The following IQSEC1 variants were observed in gnomAD, a reference collection of about 807,000 sequenced individuals.
IQSEC1 encodes the protein IQ motif and Sec7 domain ArfGEF 1.
A neutral mutation model predicts 91.0 loss-of-function variants in IQSEC1; 31 were observed. That is an observed-to-expected ratio of 0.34 (90% CI 0.26 to 0.46). The LOEUF (loss-of-function observed/expected upper bound fraction) is 0.46. IQSEC1 is among the 20% of genes least tolerant of loss of function. IQSEC1 has a pLI of 1.00. For missense variants in IQSEC1, 1,388 were observed against 1,575.6 expected, an observed-to-expected ratio of 0.88 and a Z score of 2.02; for synonymous variants, 699 against 662.6, an observed-to-expected ratio of 1.05 and a Z score of -0.84.
intron 2 of IQSEC1, among the ~76,000 whole-genome samples, chr3:13,161,775 G>A (rs1436208547): frequency 6.6e-6 from 1 of 152,216 alleles, no homozygotes; most frequent in Non-Finnish European, 1.5e-5. Context: ...AGCCTTCCCT[G>A]CTGGAACTTC....
chr3:12,902,319 G>C (rs1694404296), intron 13 of IQSEC1, among the ~76,000 whole-genome samples: 1 of 152,226 alleles, frequency 6.6e-6, no homozygotes, highest in South Asian at 2.1e-4. Flanking sequence ...CAAGAAGAAA[G>C]CGATGAGGAT....
intron 1 of IQSEC1, among the ~76,000 whole-genome samples, chr3:13,032,628 G>A (rs1703886859): frequency 6.7e-6 from 1 of 150,320 alleles, no homozygotes; most frequent in South Asian, 2.1e-4. Flanking sequence ...CTGTCGCCCA[G>A]GCTGGAGTGC....
rs757181262 is a variant in IQSEC1 at position 12,899,439 on chromosome 3, A to G, written c.*1544T>C. On this transcript the variant is annotated 3_prime_UTR_variant, in exon 14 of 14. Transcript: ENST00000613206. ...CAGTGGCTCGAAAGGCTGAAACTAC[A>G]AAGTATGGCCCGTGGGTGACTCGGG... 7.5e-6 allele frequency: 12 copies of G among 1,609,958 alleles called. No individual in the cohort carries two copies. The highest frequency in any genetic ancestry group is 1.0e-5 in the Non-Finnish European group (12 of 1,178,754).
chr3:13,023,724 A>G (rs1158287768), intron 1 of IQSEC1, among the ~76,000 whole-genome samples: 2 of 152,212 alleles, frequency 1.3e-5, no homozygotes, highest in Non-Finnish European at 2.9e-5. Context: ...CCATCCCCTG[A>G]GCCAGGAAAG....
chr3:13,084,496 T>C (rs1235648230), intron 2 of IQSEC1, among the ~76,000 whole-genome samples: 1 of 151,986 alleles, frequency 6.6e-6, no homozygotes, highest in African/African-American at 2.4e-5. Context: ...AAGACAGATA[T>C]AAAAATCTGC....
At chr3:13,194,912 A>G (rs1360378339) in intron 1 of IQSEC1, among the ~76,000 whole-genome samples, 1 of 152,186 alleles carries the variant, frequency 6.6e-6, no homozygotes, top group African/African-American at 2.4e-5. Flanking sequence ...AATACATAGG[A>G]AAAAAACCCA....
chr3:12,966,521 A>C (rs1264449892), intron 1 of IQSEC1, among the ~76,000 whole-genome samples: 7 of 152,066 alleles, frequency 4.6e-5, no homozygotes, highest in Admixed American at 2.0e-4. Flanking sequence ...GGAAATCAAT[A>C]TTCCCAGCAC....
intron 2 of IQSEC1, among the ~76,000 whole-genome samples, chr3:13,106,054 T>C (rs1341727421): frequency 6.6e-6 from 1 of 152,100 alleles, no homozygotes; most frequent in Non-Finnish European, 1.5e-5. Context: ...GAGCCACCAA[T>C]AGAGGGAGCC....
At chr3:13,017,238 T>C (rs751688032) in intron 1 of IQSEC1, among the ~76,000 whole-genome samples, 2 of 152,264 alleles carry the variant, frequency 1.3e-5, no homozygotes, top group Non-Finnish European at 2.9e-5. Context: ...GATCTTTGCC[T>C]GAAGGCATCT....
rs1702737853 is a variant in IQSEC1 at position 13,008,609 on chromosome 3, G to C, written c.23+64383C>G. On this transcript the variant is annotated intron_variant, in intron 1 of 13. Transcript: ENST00000613206. The surrounding 1 kb of genome is among the most constrained non-coding windows in gnomAD (Gnocchi z 4.1). ...TTTTCCTGACTGTGATGTTGGAAATGCTCGTTTGTGTGTTTGTTTACTTGT... is the reference window on the plus strand; with the variant it reads ...TTTTCCTGACTGTGATGTTGGAAATCCTCGTTTGTGTGTTTGTTTACTTGT... Among the ~76,000 whole-genome samples the C allele has an allele frequency of 6.6e-6, 1 of 152,194 alleles. No homozygotes were observed. The highest frequency in any genetic ancestry group is 1.9e-4 in the East Asian group (1 of 5,196).
At position 12,922,706 on chromosome 3, in the gene IQSEC1, G is replaced by A. The variant is rs1409300273; in HGVS notation, c.1731-464C>T. ...ATAAGCCTGTTCTCTTGTGGGGAGAGTATCGGGGTGGTGGGCTGGGTTTTG... is the reference window on the plus strand; with the variant it reads ...ATAAGCCTGTTCTCTTGTGGGGAGAATATCGGGGTGGTGGGCTGGGTTTTG... On this transcript the variant is annotated intron_variant, in intron 4 of 13. Transcript: ENST00000613206. The surrounding 1 kb of genome is among the most constrained non-coding windows in gnomAD (Gnocchi z 5.1). Among the ~76,000 whole-genome samples, 1 of 152,182 alleles carries A rather than the reference G, an allele frequency of 6.6e-6. No homozygotes were observed. The highest frequency in any genetic ancestry group is 2.4e-5 in the African/African-American group (1 of 41,446).
At chr3:13,027,719 G>A (rs556434615) in intron 1 of IQSEC1, among the ~76,000 whole-genome samples, 74 of 152,304 alleles carry the variant, frequency 4.9e-4, no homozygotes, top group African/African-American at 1.6e-3. Context: ...TGGCCAGTGG[G>A]AGCAGGTTTG....
chr3:12,978,452 A>C (rs1237033819), intron 1 of IQSEC1, among the ~76,000 whole-genome samples: 1 of 152,282 alleles, frequency 6.6e-6, no homozygotes, highest in East Asian at 1.9e-4. Context: ...TAATCCCAGC[A>C]CTTTGGGAGA....
chr3:13,088,549 C>T (rs1705780303), intron 2 of IQSEC1, among the ~76,000 whole-genome samples: 1 of 152,086 alleles, frequency 6.6e-6, no homozygotes. Flanking sequence ...AGTACCCTCC[C>T]TACCCTCCTT....
Position 12,967,255 on chromosome 3 carries a change from G to T in IQSEC1, c.24-25390C>A. ...TCTGGCGGACGCACCCCGCCCCGCAGGCAGCTTTCTCTCGCACGCCGGGCG... is the reference window on the plus strand; with the variant it reads ...TCTGGCGGACGCACCCCGCCCCGCATGCAGCTTTCTCTCGCACGCCGGGCG... On this transcript the variant is annotated intron_variant, in intron 1 of 13. Coordinates refer to ENST00000613206, the MANE Select transcript of IQSEC1 (RefSeq NM_001134382.3). This position sits in a 1 kb window ranked among gnomAD's most constrained non-coding sequence, Gnocchi z 5.9. The T allele has an allele frequency of 1.4e-6, 1 of 714,102 alleles. No individual in the cohort carries two copies. The highest frequency in any genetic ancestry group is 2.2e-6 in the Non-Finnish European group (1 of 458,304). The allele number at this position is 714,102 out of a possible 1,614,324, so 44.2% of individuals were successfully genotyped here. A position where few individuals can be genotyped will look rare whatever the true frequency, so the allele number is the denominator to read the frequency against.
intron 1 of IQSEC1, among the ~76,000 whole-genome samples, chr3:13,166,418 C>A (rs1043477856): frequency 3.3e-5 from 5 of 152,196 alleles, no homozygotes; most frequent in Admixed American, 6.5e-5. Flanking sequence ...AGTGCAGTCA[C>A]GCCAGGAGCT....
chr3:12,966,143 C>T (rs1053083809), intron 1 of IQSEC1, among the ~76,000 whole-genome samples: 5 of 152,198 alleles, frequency 3.3e-5, no homozygotes, highest in Admixed American at 2.0e-4. Flanking sequence ...CATGTCCAGA[C>T]TGCTGCCACT....
intron 3 of IQSEC1, among the ~76,000 whole-genome samples, chr3:12,927,824 T>C (rs982221081): frequency 4.6e-5 from 7 of 152,130 alleles, no homozygotes; most frequent in Non-Finnish European, 8.8e-5. Context: ...GACTGAGGTA[T>C]CAGGCAATTT....
intron 2 of IQSEC1, among the ~76,000 whole-genome samples, chr3:13,087,823 T>A (rs1187117444): frequency 6.6e-6 from 1 of 152,158 alleles, no homozygotes; most frequent in Non-Finnish European, 1.5e-5. Context: ...CATCCTCCCG[T>A]GGCAGAAGGT....
Sources: allele counts gnomAD v4.1 joint callset (sites outside exome capture counted in the v4.1 genomes callset), GRCh38; gene constraint gnomAD v4.1.1; non-coding constraint Gnocchi (gnomAD v3.1); transcripts MANE v1.5; gene names NCBI Gene and HGNC (gene_info 2026-07-23, HGNC 2026-07-21).